Variants in ADAMTSL1 observed in about 807,000 individuals in gnomAD.
The protein encoded by ADAMTSL1 is ADAMTS-like protein 1.
Under a neutral mutation model 201.8 loss-of-function variants are expected in ADAMTSL1, and 126 were observed. That is an observed-to-expected ratio of 0.62 (90% CI 0.54 to 0.72). The LOEUF (loss-of-function observed/expected upper bound fraction) is 0.72, where lower values mean the gene tolerates loss of function less well. Among genes scored for constraint, ADAMTSL1 ranks in the 30% least tolerant of loss-of-function variants. The probability of loss-of-function intolerance (pLI) is 0.00; values close to 1 mark genes in which losing one functional copy is unlikely to be tolerated. For missense variants in ADAMTSL1, 2,679 were observed against 2,277.8 expected, an observed-to-expected ratio of 1.18 and a Z score of -3.59; for synonymous variants, 1,121 against 903.4, an observed-to-expected ratio of 1.24 and a Z score of -4.32.
chr9:18,513,970 C>G (rs1587423524), intron 2 of ADAMTSL1, among the ~76,000 whole-genome samples: 1 of 152,242 alleles, frequency 6.6e-6, no homozygotes, highest in African/African-American at 2.4e-5. Flanking sequence ...TCTGAACATT[C>G]CAGATTGTTT....
intron 5 of ADAMTSL1, among the ~76,000 whole-genome samples, chr9:18,630,131 C>A (rs1247977779): frequency 1.3e-5 from 2 of 152,054 alleles, no homozygotes; most frequent in East Asian, 3.9e-4. Context: ...TTACTGAAAT[C>A]AGTTTGAACC....
At chr9:18,334,434 T>C (rs1835148875) in intron 2 of ADAMTSL1, among the ~76,000 whole-genome samples, 1 of 152,162 alleles carries the variant, frequency 6.6e-6, no homozygotes, top group African/African-American at 2.4e-5. Context: ...TATGAAAAAT[T>C]ATACCAGAGA....
intron 2 of ADAMTSL1, among the ~76,000 whole-genome samples, chr9:18,463,369 T>A (rs1820880611): frequency 6.6e-6 from 1 of 152,202 alleles, no homozygotes; most frequent in African/African-American, 2.4e-5. Context: ...TCTTTAAAAA[T>A]TTTTTTGTGG....
At chr9:18,135,283 C>T (rs1375984170) in intron 1 of ADAMTSL1, among the ~76,000 whole-genome samples, 1 of 152,068 alleles carries the variant, frequency 6.6e-6, no homozygotes, top group Non-Finnish European at 1.5e-5. Context: ...GCATTCATAT[C>T]AAGTTTTCAA....
chr9:18,372,578 A>G (rs1377541866), intron 2 of ADAMTSL1, among the ~76,000 whole-genome samples: 1 of 152,210 alleles, frequency 6.6e-6, no homozygotes, highest in African/African-American at 2.4e-5. Flanking sequence ...TCTTTCCATT[A>G]CTACACAACC....
intron 2 of ADAMTSL1, among the ~76,000 whole-genome samples, chr9:18,329,450 A>G (rs1382974565): frequency 6.6e-6 from 1 of 152,212 alleles, no homozygotes; most frequent in East Asian, 1.9e-4. Context: ...TCCTAGAGAT[A>G]AGAGTGTGAC....
At chr9:18,598,090 G>C (rs1192457819) in intron 4 of ADAMTSL1, among the ~76,000 whole-genome samples, 1 of 152,184 alleles carries the variant, frequency 6.6e-6, no homozygotes. Flanking sequence ...GGCAAGCAAT[G>C]ATCTGTGTGG....
intron 3 of ADAMTSL1, among the ~76,000 whole-genome samples, chr9:18,551,808 T>G (rs1194684967): frequency 6.6e-6 from 1 of 151,892 alleles, no homozygotes; most frequent in Non-Finnish European, 1.5e-5. Context: ...TTTGTTGTTA[T>G]TTCTCTTTCT....
At chr9:18,566,442 G>T (rs944389137) in intron 3 of ADAMTSL1, among the ~76,000 whole-genome samples, 4 of 152,188 alleles carry the variant, frequency 2.6e-5, no homozygotes, top group Admixed American at 2.6e-4. Context: ...ACTTGTGGGT[G>T]ACTAAGTGTT....
chr9:18,892,175 T>C (rs1007385929), intron 25 of ADAMTSL1, among the ~76,000 whole-genome samples: 1 of 152,260 alleles, frequency 6.6e-6, no homozygotes, highest in Admixed American at 6.5e-5. Context: ...GGAAAGAACC[T>C]TGCCACATAG....
In ADAMTSL1 at chr9:18,229,719, G is replaced by C. The variant is rs551453071; in HGVS notation, c.207+65738G>C. Among the ~76,000 whole-genome samples, 3 of 150,868 alleles carry C rather than the reference G, an allele frequency of 2.0e-5. No individual in the cohort carries two copies. The South Asian group carries it at 6.3e-4, about 32-fold the overall frequency. ...CCAACATTTTTTTTTTTTTGATATG[G>C]AATTTCACTCTTGTTGCCCAGGCTG... is the stretch of plus-strand genomic sequence containing the variant. On this transcript the variant is annotated intron_variant, in intron 2 of 29. Coordinates refer to the ADAMTSL1 transcript ENST00000680146.
intron 2 of ADAMTSL1, among the ~76,000 whole-genome samples, chr9:18,180,261 C>T (rs576293111): frequency 9.2e-5 from 14 of 152,300 alleles, no homozygotes; most frequent in African/African-American, 2.9e-4. Flanking sequence ...AGGCCGGGCA[C>T]GGTGGCTCAC....
At chr9:18,352,824 G>T (rs1836033306) in intron 2 of ADAMTSL1, among the ~76,000 whole-genome samples, 1 of 152,162 alleles carries the variant, frequency 6.6e-6, no homozygotes, top group South Asian at 2.1e-4. Flanking sequence ...CAATCAGTCA[G>T]CGTCCCTGGC....
intron 20 of ADAMTSL1, among the ~76,000 whole-genome samples, chr9:18,809,129 C>A (rs1823348059): frequency 6.6e-6 from 1 of 152,116 alleles, no homozygotes; most frequent in Admixed American, 6.6e-5. Flanking sequence ...GGGAGATACA[C>A]AAATATAGAA....
At chr9:18,784,384 T>G (rs1199655951) in intron 19 of ADAMTSL1, among the ~76,000 whole-genome samples, 1 of 152,208 alleles carries the variant, frequency 6.6e-6, no homozygotes, top group Non-Finnish European at 1.5e-5. Flanking sequence ...AATAAAAAAC[T>G]GAATGAATAA....
chr9:18,422,182 T>TAC (rs142232763), intron 2 of ADAMTSL1, among the ~76,000 whole-genome samples: 190 of 151,182 alleles, frequency 1.3e-3, no homozygotes, highest in African/African-American at 3.7e-3. Context: ...AATAATGTCA[T>TAC]ACACACACAC....
intron 2 of ADAMTSL1, among the ~76,000 whole-genome samples, chr9:18,358,727 A>C (rs2133065942): frequency 6.6e-6 from 1 of 152,282 alleles, no homozygotes; most frequent in Middle Eastern, 3.4e-3. Context: ...TTATGCCTAA[A>C]TAGTGTTCTA....
At chr9:18,430,630 A>G (rs148033067) in intron 2 of ADAMTSL1, among the ~76,000 whole-genome samples, 23 of 152,296 alleles carry the variant, frequency 1.5e-4, no homozygotes, top group Non-Finnish European at 3.4e-4. Context: ...CCCTAATCCC[A>G]AGCATCACAC....
At chr9:18,315,179 TA>T (rs1360622804) in intron 2 of ADAMTSL1, among the ~76,000 whole-genome samples, 3 of 152,110 alleles carry the variant, frequency 2.0e-5, no homozygotes, top group Admixed American at 2.0e-4. Flanking sequence ...AACCTTGAGC[TA>T]GACACAGAGT....
Sources: allele counts gnomAD v4.1 joint callset (sites outside exome capture counted in the v4.1 genomes callset), GRCh38; gene constraint gnomAD v4.1.1; transcripts MANE v1.5; gene names NCBI Gene and HGNC (gene_info 2026-07-23, HGNC 2026-07-21).